PCDHGA2: variants seen among roughly 807,000 people sequenced by gnomAD.
PCDHGA2 encodes the protein protocadherin gamma-A2.
A neutral mutation model predicts 59.2 loss-of-function variants in PCDHGA2; 40 were observed. The observed-to-expected ratio is 0.68, with a 90% CI of 0.52 to 0.88. The LOEUF (loss-of-function observed/expected upper bound fraction) is 0.88, where lower values mean the gene tolerates loss of function less well. PCDHGA2 is among the 40% of genes least tolerant of loss of function. The pLI is 0.00. For missense variants in PCDHGA2, 1,226 were observed against 1,204.0 expected (o/e 1.02, Z -0.27); for synonymous variants, 560 against 526.0 (o/e 1.06, Z -0.89).
intron 1 of PCDHGA2, chr5:141,360,212 C>T: frequency 1.2e-6 from 2 of 1,612,898 alleles, no homozygotes; most frequent in Non-Finnish European, 1.7e-6. Context: ...TCTTTGTTCC[C>T]CGGGGCTCTC....
In PCDHGA2 at chr5:141,374,709, G is replaced by T. The variant is rs774211225; in HGVS notation, c.2424+33314G>T. 6.8e-6 allele frequency: 11 copies of T among 1,608,934 alleles called. No individual in the cohort carries two copies. The African/African-American group carries it at 8.0e-5, about 12-fold the overall frequency. On this transcript the variant is annotated intron_variant, in intron 1 of 3. Coordinates refer to ENST00000394576, the MANE Select transcript of PCDHGA2 (RefSeq NM_018915.4). ...GACCGGGAAGGAGAAGCCGTTTACC[G>T]CCTGGTCCTTACTGCCATGGATGGC...
At chr5:141,405,407 CT>C (rs762612492) in intron 1 of PCDHGA2, 3 of 1,582,042 alleles carry the variant, frequency 1.9e-6, no homozygotes, top group South Asian at 1.1e-5. Context: ...TCTTTCTTTT[CT>C]TTTTTTGTTT....
intron 1 of PCDHGA2, among the ~76,000 whole-genome samples, chr5:141,400,846 A>G (rs1273650139): frequency 6.6e-6 from 1 of 152,190 alleles, no homozygotes; most frequent in Non-Finnish European, 1.5e-5. Context: ...ACATGTTTAT[A>G]TTTTATTGTA....
At chr5:141,384,768 G>A (rs1046016115) in intron 1 of PCDHGA2, 20 of 1,613,804 alleles carry the variant, frequency 1.2e-5, no homozygotes, top group Non-Finnish European at 1.6e-5. Context: ...GGCTGTACAC[G>A]GGCGAGGTGC....
intron 1 of PCDHGA2, chr5:141,399,620 C>T: frequency 6.2e-7 from 1 of 1,613,940 alleles, no homozygotes; most frequent in Non-Finnish European, 8.5e-7. Flanking sequence ...CTGGCACTGG[C>T]CTCTTACGTG....
chr5:141,360,791 A>T, intron 1 of PCDHGA2: 2 of 1,613,920 alleles, frequency 1.2e-6, no homozygotes, highest in East Asian at 4.5e-5. Context: ...GATGGCGGAG[A>T]CCCACCTCAA....
intron 1 of PCDHGA2, chr5:141,382,716 C>A (rs11575956): frequency 2.0e-6 from 1 of 488,008 alleles, no homozygotes; most frequent in Non-Finnish European, 3.5e-6. Context: ...CAGAAACCAC[C>A]GAGTTTTACA....
In PCDHGA2 at chr5:141,393,830, T is replaced by C. The variant is rs926004105; in HGVS notation, c.2424+52435T>C. The C allele has an allele frequency of 1.7e-5, 27 of 1,613,872 alleles. No homozygotes were observed. In the African/African-American group the frequency reaches 3.2e-4, roughly 19 times the overall value. On this transcript the variant is annotated intron_variant, in intron 1 of 3. Coordinates refer to ENST00000394576, the MANE Select transcript of PCDHGA2 (RefSeq NM_018915.4). ...CCAAATTGCTCATTTCGGTGGAAGA[T>C]GTAAATGACAATAGACCAGAAGTGA... is the stretch of plus-strand genomic sequence containing the variant.
At chr5:141,417,795 T>C in intron 1 of PCDHGA2, 1 of 1,483,780 alleles carries the variant, frequency 6.7e-7, no homozygotes, top group Non-Finnish European at 9.0e-7. Context: ...AATGCTCTTT[T>C]AGCGCGGTAG....
chr5:141,385,633 G>A (rs2090306772), intron 1 of PCDHGA2: 9 of 905,286 alleles, frequency 9.9e-6, no homozygotes, highest in Non-Finnish European at 1.3e-5. Flanking sequence ...AATGAATCGA[G>A]TCTTTCATAT....
rs772052592 is a variant in PCDHGA2, at chr5:141,385,040, T to C, written c.2424+43645T>C. 6.2e-6 allele frequency: 10 copies of C among 1,614,040 alleles called. No individual in the cohort carries two copies. In the South Asian group the frequency reaches 9.9e-5, roughly 16 times the overall value. On this transcript the variant is annotated intron_variant, in intron 1 of 3. Coordinates refer to ENST00000394576, the MANE Select transcript of PCDHGA2 (RefSeq NM_018915.4). The stretch of plus-strand genomic sequence containing the variant: ...GCCTTCGTCCTCGTACTGCTGGCGC[T>C]CAGGCTGCGGCGCTGGCACAAGTCA...
At chr5:141,357,344 A>G in intron 1 of PCDHGA2, 1 of 1,614,080 alleles carries the variant, frequency 6.2e-7, no homozygotes, top group Non-Finnish European at 8.5e-7. Context: ...CTAGCACTCA[A>G]GCTGAGACGC....
In PCDHGA2 at chr5:141,404,779, C is replaced by T. The variant is rs779433248; in HGVS notation, c.2424+63384C>T. 8.1e-6 allele frequency: 13 copies of T among 1,613,628 alleles called. No individual in the cohort carries two copies. In the Admixed American group the frequency reaches 1.5e-4, roughly 19 times the overall value. ...ATGCTTGGCTCTCCTACCGCCTATT[C>T]AAGGCCAGTGAGCCAGGGCTCTTCT... On this transcript the variant is annotated intron_variant, in intron 1 of 3. Coordinates refer to ENST00000394576, the MANE Select transcript of PCDHGA2 (RefSeq NM_018915.4).
At chr5:141,422,639 C>G (rs777330051) in intron 1 of PCDHGA2, 1 of 1,612,662 alleles carries the variant, frequency 6.2e-7, no homozygotes. Flanking sequence ...AGGGGTGCCT[C>G]CATCTTCTCA....
chr5:141,352,461 G>C (rs370251444), intron 1 of PCDHGA2: 3 of 1,613,888 alleles, frequency 1.9e-6, no homozygotes, highest in East Asian at 2.2e-5. Flanking sequence ...TCTGGGCCCG[G>C]GGTTCCTCCC....
At position 141,500,368 on chromosome 5, in the gene PCDHGA2, C is replaced by T. The variant is rs181410708; in HGVS notation, c.2484-5025C>T. Among the ~76,000 whole-genome samples, 364 of 152,050 alleles carry T rather than the reference C, an allele frequency of 2.4e-3. 3 individuals carry two copies. The highest frequency in any genetic ancestry group is 9.2e-3 in the Admixed American group (140 of 15,274). ...GGACTACAGGCGCCCACTACCACGCCCGGCTAATTATTTTGTATTTTTAGT... is the reference window on the plus strand; with the variant it reads ...GGACTACAGGCGCCCACTACCACGCTCGGCTAATTATTTTGTATTTTTAGT... On this transcript the variant is annotated intron_variant, in intron 2 of 3. Transcript: ENST00000394576.
At chr5:141,389,564 G>A in intron 1 of PCDHGA2, 1 of 1,613,244 alleles carries the variant, frequency 6.2e-7, no homozygotes, top group East Asian at 2.2e-5. Context: ...CGCCACGGGT[G>A]CTGTACCCCG....
rs2099417434 is a variant in PCDHGA2, at chr5:141,477,762, C to T, written c.2425-17045C>T. 1 of 1,613,968 alleles carries T rather than the reference C, an allele frequency of 6.2e-7. No homozygotes were observed. The highest frequency in any genetic ancestry group is 8.5e-7 in the Non-Finnish European group (1 of 1,180,032). On this transcript the variant is annotated intron_variant, in intron 1 of 3. Transcript: ENST00000394576. This position sits in a 1 kb window ranked among gnomAD's most constrained non-coding sequence, Gnocchi z 4.9. ...GATGGGGGCACCCCGGTCCTAGCCA[C>T]CAACATCAGCGTGAACATATTTGTC...
At chr5:141,360,360 C>T in intron 1 of PCDHGA2, 1 of 1,613,892 alleles carries the variant, frequency 6.2e-7, no homozygotes, top group Non-Finnish European at 8.5e-7. Flanking sequence ...AGGAATATTT[C>T]ACAGTAAACC....
Sources: gnomAD v4.1 joint callset for allele counts (sites outside exome capture counted in the v4.1 genomes callset) on GRCh38, gnomAD v4.1.1 for gene constraint, Gnocchi (gnomAD v3.1) non-coding constraint, MANE v1.5 for transcripts, NCBI Gene and HGNC (gene_info 2026-07-23, HGNC 2026-07-21) for gene names.